The following NDUFS4 variants were observed in gnomAD, a reference collection of about 807,000 sequenced individuals.
NDUFS4 encodes NADH:ubiquinone oxidoreductase subunit S4.
Under a neutral mutation model 24.3 loss-of-function variants are expected in NDUFS4, and 28 were observed. The ratio of observed to expected loss-of-function variants is 1.15; its 90% CI spans 0.85 to 1.58. NDUFS4 has a LOEUF of 1.58. Among genes scored for constraint, NDUFS4 ranks in the 40% most tolerant of loss-of-function variants. The pLI, the probability that NDUFS4 is intolerant of heterozygous loss-of-function variation, is 0.00. For synonymous variants in NDUFS4, 93 were observed against 69.7 expected (o/e 1.34, Z -1.67); for missense variants, 223 against 207.9 (o/e 1.07, Z -0.45).
intron 2 of NDUFS4, among the ~76,000 whole-genome samples, chr5:53,613,171 C>T (rs1032722335): frequency 1.3e-5 from 2 of 151,962 alleles, no homozygotes; most frequent in Non-Finnish European, 2.9e-5. Flanking sequence ...GCTATCTCTG[C>T]TAGATTACTG....
intron 4 of NDUFS4, among the ~76,000 whole-genome samples, chr5:53,668,782 C>T (rs563373020): frequency 1.3e-5 from 2 of 152,018 alleles, no homozygotes; most frequent in African/African-American, 4.8e-5. Context: ...ATTTAATGCC[C>T]TCTAATTATA....
intron 1 of NDUFS4, among the ~76,000 whole-genome samples, chr5:53,586,802 C>T (rs1749772525): frequency 6.6e-6 from 1 of 152,020 alleles, no homozygotes; most frequent in Admixed American, 6.6e-5. Context: ...GAATTACAGG[C>T]GTGAGCCACC....
chr5:53,570,689 T>TC (rs1389473374), intron 1 of NDUFS4, among the ~76,000 whole-genome samples: 1 of 147,168 alleles, frequency 6.8e-6, no homozygotes, highest in African/African-American at 2.5e-5. Context: ...TTTTTCTTTT[T>TC]TTTTTTTTTT....
intron 1 of NDUFS4, among the ~76,000 whole-genome samples, chr5:53,590,354 C>T (rs887181494): frequency 1.3e-5 from 2 of 152,240 alleles, no homozygotes; most frequent in South Asian, 2.1e-4. Context: ...TCACAGTTAT[C>T]AACTATTTTT....
At chr5:53,611,765 C>CT (rs1464204701) in intron 2 of NDUFS4, among the ~76,000 whole-genome samples, 2 of 151,848 alleles carry the variant, frequency 1.3e-5, no homozygotes, top group East Asian at 1.9e-4. Context: ...ATGAGGGTAA[C>CT]TTTTTTTTCT....
At chr5:53,633,845 ATT>A (rs566514894) in intron 2 of NDUFS4, among the ~76,000 whole-genome samples, 40 of 152,298 alleles carry the variant, frequency 2.6e-4, no homozygotes, top group African/African-American at 9.6e-4. Context: ...TTGGACTCAG[ATT>A]ATTTCACAAA....
intron 1 of NDUFS4, among the ~76,000 whole-genome samples, chr5:53,576,090 C>T (rs1749381332): frequency 6.6e-6 from 1 of 152,196 alleles, no homozygotes. Context: ...GGTCAGAGAT[C>T]TATTTAGAGT....
At chr5:53,626,306 T>C (rs1751223415) in intron 2 of NDUFS4, among the ~76,000 whole-genome samples, 1 of 152,218 alleles carries the variant, frequency 6.6e-6, no homozygotes, top group African/African-American at 2.4e-5. Context: ...TTTGGGTTGG[T>C]TCCAAGTCTT....
intron 1 of NDUFS4, among the ~76,000 whole-genome samples, chr5:53,572,950 GTTTTTTGTTTTTTTTTTTTGTT>G (rs1749259472): frequency 8.6e-6 from 1 of 116,744 alleles, no homozygotes; most frequent in Non-Finnish European, 1.8e-5. Flanking sequence ...GGCCTTTGTT[GTTTTTTGTTTTTTTTTTTTGTT>G]TTTTTTTTTT....
chr5:53,587,579 A>AC (rs1749803091), intron 1 of NDUFS4, among the ~76,000 whole-genome samples: 1 of 91,776 alleles, frequency 1.1e-5, no homozygotes, highest in South Asian at 4.3e-4. Context: ...ATCCCTAAAT[A>AC]CTTTTTTTTT....
At chr5:53,656,052 TC>T (rs1752153996) in intron 3 of NDUFS4, among the ~76,000 whole-genome samples, 1 of 152,076 alleles carries the variant, frequency 6.6e-6, no homozygotes, top group Admixed American at 6.6e-5. Context: ...GGACTCCGTC[TC>T]CAGGCTCCTT....
chr5:53,612,418 T>C (rs1750723507), intron 2 of NDUFS4, among the ~76,000 whole-genome samples: 1 of 152,094 alleles, frequency 6.6e-6, no homozygotes, highest in African/African-American at 2.4e-5. Context: ...CTGTAAAACT[T>C]AAATCTTTTG....
At chr5:53,588,425 T>C (rs897470258) in intron 1 of NDUFS4, among the ~76,000 whole-genome samples, 5 of 152,172 alleles carry the variant, frequency 3.3e-5, no homozygotes, top group African/African-American at 1.2e-4. Context: ...TTATTTGCGG[T>C]ATTATTATCC....
chr5:53,563,241 A>C (rs1340824707), intron 1 of NDUFS4, among the ~76,000 whole-genome samples: 1 of 151,038 alleles, frequency 6.6e-6, no homozygotes, highest in Non-Finnish European at 1.5e-5. Flanking sequence ...AAAAACAAAA[A>C]AAAAAAAAAA....
intron 2 of NDUFS4, among the ~76,000 whole-genome samples, chr5:53,607,013 C>T (rs1414105535): frequency 3.9e-5 from 6 of 152,114 alleles, no homozygotes; most frequent in African/African-American, 9.7e-5. Context: ...ACAAATACAA[C>T]CATACTTTTT....
At chr5:53,633,673 C>T (rs960572926) in intron 2 of NDUFS4, among the ~76,000 whole-genome samples, 8 of 152,152 alleles carry the variant, frequency 5.3e-5, no homozygotes, top group African/African-American at 1.2e-4. Flanking sequence ...CTTGTTAATC[C>T]GTCTTTTGTT....
chr5:53,672,312 A>C (rs1740299677), intron 4 of NDUFS4, among the ~76,000 whole-genome samples: 1 of 152,138 alleles, frequency 6.6e-6, no homozygotes, highest in Admixed American at 6.6e-5. Context: ...AATTTATTTT[A>C]CTCATATAAG....
intron 2 of NDUFS4, among the ~76,000 whole-genome samples, chr5:53,630,856 T>C (rs1325383885): frequency 6.6e-6 from 1 of 152,196 alleles, no homozygotes; most frequent in African/African-American, 2.4e-5. Context: ...AGTTTGTTAT[T>C]ACCCACCTTC....
At chr5:53,585,156 C>T (rs987522637) in intron 1 of NDUFS4, among the ~76,000 whole-genome samples, 3 of 152,190 alleles carry the variant, frequency 2.0e-5, no homozygotes, top group East Asian at 1.9e-4. Flanking sequence ...TTTTGTGTCT[C>T]GTTTTCTTGT....
Sources: allele counts gnomAD v4.1 joint callset (sites outside exome capture counted in the v4.1 genomes callset), GRCh38; gene constraint gnomAD v4.1.1; transcripts MANE v1.5; gene names NCBI Gene and HGNC (gene_info 2026-07-23, HGNC 2026-07-21).